PSMG2: variants seen among roughly 807,000 people sequenced by gnomAD.
PSMG2 encodes the protein CD40 ligand-activated specific transcript 3.
A neutral mutation model predicts 31.5 loss-of-function variants in PSMG2; 21 were observed. That is an observed-to-expected ratio of 0.67 (90% CI 0.47 to 0.96). The LOEUF is 0.96. Ranked by LOEUF, PSMG2 falls within the 40% of genes least tolerant of loss-of-function variation. PSMG2 has a pLI of 0.00. For synonymous variants in PSMG2, 120 were observed against 110.4 expected, an observed-to-expected ratio of 1.09 and a Z score of -0.54; for missense variants, 318 against 321.2, an observed-to-expected ratio of 0.99 and a Z score of 0.08.
At chr18:12,681,854 G>C (rs1336029568) in intron 1 of PSMG2, among the ~76,000 whole-genome samples, 2 of 151,930 alleles carry the variant, frequency 1.3e-5, no homozygotes, top group Non-Finnish European at 2.9e-5. Context: ...ATATTAGCTG[G>C]GTATGGTGGT....
At position 12,687,325 on chromosome 18, in the gene PSMG2, T is replaced by C. The variant is rs537305610; in HGVS notation, c.-36-19225T>C. On this transcript the variant is annotated intron_variant, in intron 1 of 6. Coordinates refer to the PSMG2 transcript ENST00000585331. ...CTTTTTCCAATATAGTCCCATACTT[T>C]AGCAAGGAAAAAAAAACTCACTTAT... Among the ~76,000 whole-genome samples the C allele has an allele frequency of 3.4e-3, 518 of 152,174 alleles. 3 individuals carry two copies. Among genetic ancestry groups the C allele is most frequent in the Middle Eastern group, 0.01 (3 of 294 alleles).
rs375486023 is a variant in PSMG2 at position 12,721,476 on chromosome 18, ACTGT to A, written c.581+796_581+799del. Reference sequence around the variant, plus strand: ...ATTCACAGCATCTGCATCCATCAGCACTGTCTACTTCTAGAACTTTGTCGTCATA... The same window carrying A: ...ATTCACAGCATCTGCATCCATCAGCACTACTTCTAGAACTTTGTCGTCATA... On this transcript the variant is annotated intron_variant, in intron 5 of 6. Coordinates refer to ENST00000317615, the MANE Select transcript of PSMG2 (RefSeq NM_020232.5). Among the ~76,000 whole-genome samples, 17 of 152,306 alleles carry A rather than the reference ACTGT, an allele frequency of 1.1e-4. No individual in the cohort carries two copies. The Middle Eastern group carries it at 0.01, about 91-fold the overall frequency.
chr18:12,670,766 G>A (rs2038922248), intron 1 of PSMG2: 2 of 151,658 alleles, frequency 1.3e-5, no homozygotes, highest in African/African-American at 4.8e-5. Flanking sequence ...ACCCACCTCA[G>A]CCTCCCAAGC....
At chr18:12,662,461 G>A (rs2038712773) in intron 1 of PSMG2, among the ~76,000 whole-genome samples, 1 of 152,154 alleles carries the variant, frequency 6.6e-6, no homozygotes, top group African/African-American at 2.4e-5. Context: ...CAATGTCCAT[G>A]TACACTCACA....
At chr18:12,683,730 G>A (rs531872794) in intron 1 of PSMG2, among the ~76,000 whole-genome samples, 7 of 151,610 alleles carry the variant, frequency 4.6e-5, no homozygotes, top group South Asian at 2.1e-4. Context: ...CAGCCTGGGC[G>A]ACAAGAGGAA....
At chr18:12,697,669 G>A (rs1336937438) in intron 1 of PSMG2, among the ~76,000 whole-genome samples, 1 of 152,122 alleles carries the variant, frequency 6.6e-6, no homozygotes. Flanking sequence ...CATAAGATAA[G>A]TCTGTTCTTT....
intron 1 of PSMG2, among the ~76,000 whole-genome samples, chr18:12,675,525 A>T (rs1433233347): frequency 6.6e-6 from 1 of 152,226 alleles, no homozygotes; most frequent in Non-Finnish European, 1.5e-5. Flanking sequence ...ATTCTATGTG[A>T]TTAAACAAAT....
chr18:12,706,029 T>C (rs1466436627), intron 1 of PSMG2, among the ~76,000 whole-genome samples: 1 of 152,226 alleles, frequency 6.6e-6, no homozygotes, highest in Non-Finnish European at 1.5e-5. Flanking sequence ...ACAATTGACA[T>C]ATAGTAGGCA....
intron 1 of PSMG2, among the ~76,000 whole-genome samples, chr18:12,696,006 C>G (rs1411798605): frequency 3.9e-5 from 6 of 152,038 alleles, no homozygotes; most frequent in African/African-American, 2.4e-5. Flanking sequence ...AACTAGAAAA[C>G]AAATATACTT....
chr18:12,700,612 C>G (rs1044507418), upstream of PSMG2, among the ~76,000 whole-genome samples: 1 of 152,048 alleles, frequency 6.6e-6, no homozygotes, highest in Non-Finnish European at 1.5e-5. Flanking sequence ...TAAAAATACG[C>G]TTAATCTAAA....
Position 12,664,119 on chromosome 18 carries a change from C to A in PSMG2, c.-37+5346C>A, listed in dbSNP as rs9958917. On this transcript the variant is annotated intron_variant, in intron 1 of 6. Coordinates refer to the PSMG2 transcript ENST00000585331. ...GGCGGTGGTTGCGGTGAGCCGAGAT[C>A]GTGCCATTGCACTCCAGTCTGGGCA... 2.5e-3 allele frequency among the ~76,000 whole-genome samples: 376 copies of A among 151,898 alleles called. 3 individuals are homozygous for A. The highest frequency in any genetic ancestry group is 8.8e-3 in the African/African-American group (363 of 41,448).
chr18:12,706,171 T>A (rs1215519567), intron 1 of PSMG2, among the ~76,000 whole-genome samples: 1 of 152,242 alleles, frequency 6.6e-6, no homozygotes, highest in Non-Finnish European at 1.5e-5. Flanking sequence ...CTGTCTAAAC[T>A]TTTTGAAGTG....
intron 1 of PSMG2, among the ~76,000 whole-genome samples, chr18:12,664,698 C>CTT (rs76222169): frequency 1.8e-4 from 25 of 137,606 alleles, no homozygotes; most frequent in Non-Finnish European, 1.4e-4. Context: ...TTGTCCTGAT[C>CTT]TTTTTTTTTT....
intron 1 of PSMG2, among the ~76,000 whole-genome samples, chr18:12,691,814 C>T (rs951982988): frequency 6.6e-6 from 1 of 151,256 alleles, no homozygotes; most frequent in Admixed American, 6.6e-5. Context: ...CTCCCATGTT[C>T]AAGCAATTCT....
intron 1 of PSMG2, among the ~76,000 whole-genome samples, chr18:12,682,214 G>A (rs74545794): frequency 0.14 from 21,275 of 151,910 alleles, 1,725 homozygotes; most frequent in African/African-American, 0.2. Flanking sequence ...ACCCAGGCTG[G>A]AGTGCAGTGG....
At chr18:12,665,319 C>G (rs1363845198) in intron 1 of PSMG2, among the ~76,000 whole-genome samples, 1 of 152,094 alleles carries the variant, frequency 6.6e-6, no homozygotes, top group East Asian at 1.9e-4. Flanking sequence ...CCCAGCTACT[C>G]GGGAGGCTGA....
At chr18:12,676,719 C>T (rs1179919532) in intron 1 of PSMG2, among the ~76,000 whole-genome samples, 2 of 152,164 alleles carry the variant, frequency 1.3e-5, no homozygotes, top group Admixed American at 6.5e-5. Flanking sequence ...GGTCCCCTGA[C>T]CAACTTTTGC....
intron 2 of PSMG2, among the ~76,000 whole-genome samples, chr18:12,712,403 A>T (rs757674430): frequency 3.3e-5 from 5 of 152,164 alleles, no homozygotes; most frequent in African/African-American, 1.2e-4. Context: ...AATACCAGAA[A>T]TTTTCAGGGG....
chr18:12,673,089 C>A, intron 1 of PSMG2: 1 of 1,002,850 alleles, frequency 1.0e-6, no homozygotes, highest in Non-Finnish European at 1.2e-6. Context: ...AATATTTAAA[C>A]TACTGATAAC....
Sources: allele counts gnomAD v4.1 joint callset (sites outside exome capture counted in the v4.1 genomes callset), GRCh38; gene constraint gnomAD v4.1.1; transcripts MANE v1.5; gene names NCBI Gene and HGNC (gene_info 2026-07-23, HGNC 2026-07-21).